MAPK10: variants seen among roughly 807,000 people sequenced by gnomAD.
MAPK10 encodes mitogen-activated protein kinase 10, also known as JNK3 alpha protein kinase.
MAPK10 carries 25 observed loss-of-function variants against 59.3 expected under a neutral mutation model. The ratio of observed to expected loss-of-function variants is 0.42; its 90% CI spans 0.31 to 0.59. The LOEUF is 0.59. Among genes scored for constraint, MAPK10 ranks in the 20% least tolerant of loss-of-function variants. The pLI, the probability that MAPK10 is intolerant of heterozygous loss-of-function variation, is 0.15. For synonymous variants in MAPK10, 190 were observed against 200.5 expected, an observed-to-expected ratio of 0.95 and a Z score of 0.44; for missense variants, 351 against 568.9, an observed-to-expected ratio of 0.62 and a Z score of 3.90.
chr4:86,544,804 C>G (rs1759011614), intron 1 of MAPK10, among the ~76,000 whole-genome samples: 1 of 151,866 alleles, frequency 6.6e-6, no homozygotes, highest in Non-Finnish European at 1.5e-5. Flanking sequence ...GAACAAAAGG[C>G]TTTTGCTGAC....
intron 1 of MAPK10, among the ~76,000 whole-genome samples, chr4:86,516,844 C>T (rs1357491342): frequency 6.6e-6 from 1 of 152,186 alleles, no homozygotes; most frequent in Non-Finnish European, 1.5e-5. Context: ...GCTATGCAAT[C>T]ATATCACTGG....
chr4:86,573,245 T>A (rs1028753478), intron 1 of MAPK10, among the ~76,000 whole-genome samples: 24 of 152,320 alleles, frequency 1.6e-4, no homozygotes, highest in African/African-American at 5.5e-4. Context: ...GCAATTTATA[T>A]CGCTTTAGGT....
intron 1 of MAPK10, among the ~76,000 whole-genome samples, chr4:86,397,890 A>C (rs986793276): frequency 1.4e-5 from 2 of 147,640 alleles, no homozygotes; most frequent in Admixed American, 6.8e-5. Flanking sequence ...AAAAAAAAAA[A>C]CTGGCTTTTT....
chr4:86,486,128 A>G (rs1753972674), intron 1 of MAPK10, among the ~76,000 whole-genome samples: 1 of 152,228 alleles, frequency 6.6e-6, no homozygotes, highest in Non-Finnish European at 1.5e-5. Flanking sequence ...ATTTTATTAA[A>G]TAATCACATG....
At chr4:86,437,744 A>G (rs1373980691) in intron 1 of MAPK10, among the ~76,000 whole-genome samples, 1 of 152,230 alleles carries the variant, frequency 6.6e-6, no homozygotes, top group African/African-American at 2.4e-5. Flanking sequence ...CTAGTGATAT[A>G]CCAAATAGGA....
chr4:86,384,785 ACT>A (rs1186452173), intron 1 of MAPK10, among the ~76,000 whole-genome samples: 5 of 152,202 alleles, frequency 3.3e-5, no homozygotes, highest in Non-Finnish European at 7.3e-5. Context: ...AATTATGACA[ACT>A]CTGTTTGCAA....
chr4:86,373,788 C>T lies in MAPK10; in HGVS notation c.-121-19144G>A, dbSNP rs184597435. ...TGGAGATGATGTGGAGAAATAGGAA[C>T]GCTTTTCCACTGTTGATGGGAGTGT... On this transcript the variant is annotated intron_variant, in intron 1 of 13. Transcript: ENST00000361569. 2.8e-3 allele frequency among the ~76,000 whole-genome samples: 420 copies of T among 152,264 alleles called. 3 individuals are homozygous for T. Among genetic ancestry groups the T allele is most frequent in the African/African-American group, 9.7e-3 (401 of 41,552 alleles).
intron 9 of MAPK10, among the ~76,000 whole-genome samples, chr4:86,096,631 G>T (rs886601587): frequency 3.9e-5 from 6 of 151,900 alleles, no homozygotes; most frequent in Non-Finnish European, 5.9e-5. Context: ...TCTGAGTATT[G>T]ATTGAGAGGT....
At position 86,591,628 on chromosome 4, in the gene MAPK10, C is replaced by T. The variant is rs115949302; in HGVS notation, c.-263+2282G>A. Among the ~76,000 whole-genome samples, 1,418 of 152,264 alleles carry T rather than the reference C, an allele frequency of 9.3e-3. 34 individuals are homozygous for T. Among genetic ancestry groups the T allele is most frequent in the African/African-American group, 0.033 (1,363 of 41,550 alleles). On this transcript the variant is annotated intron_variant, in intron 1 of 4. Coordinates refer to the MAPK10 transcript ENST00000502302. ...GACTCAAGTGATCTGTCCACTTCAGCCTCCCAGAGTGTTGGCATTACAGGC... is the reference window on the plus strand; with the variant it reads ...GACTCAAGTGATCTGTCCACTTCAGTCTCCCAGAGTGTTGGCATTACAGGC...
chr4:86,193,061 G>C (rs755008894), intron 3 of MAPK10: 3 of 152,296 alleles, frequency 2.0e-5, no homozygotes, highest in Non-Finnish European at 4.4e-5. Context: ...TTTGCTGGGG[G>C]TCCACTCCAG....
chr4:86,458,320 G>A (rs183438440), intron 1 of MAPK10, among the ~76,000 whole-genome samples: 2,146 of 150,246 alleles, frequency 0.014, 47 homozygotes, highest in African/African-American at 0.051. Flanking sequence ...AAAACTAGCC[G>A]GGCGTGGTGG....
intron 2 of MAPK10, among the ~76,000 whole-genome samples, chr4:86,322,446 T>C (rs182478076): frequency 1.1e-3 from 166 of 152,172 alleles, no homozygotes; most frequent in Non-Finnish European, 1.3e-3. Flanking sequence ...ATAAATTAAT[T>C]GGTGAGGAGG....
intron 11 of MAPK10, among the ~76,000 whole-genome samples, chr4:86,053,316 C>T (rs1309228858): frequency 1.3e-5 from 2 of 152,118 alleles, no homozygotes; most frequent in Non-Finnish European, 2.9e-5. Context: ...GGTAGGAGTG[C>T]CTTAGAGCTC....
At chr4:86,461,336 G>C (rs759979815) in intron 1 of MAPK10, among the ~76,000 whole-genome samples, 5 of 152,170 alleles carry the variant, frequency 3.3e-5, no homozygotes, top group Non-Finnish European at 5.9e-5. Flanking sequence ...GGAAGGCACA[G>C]GGTCTGGAGG....
chr4:86,586,343 G>C (rs1762649191), intron 1 of MAPK10, among the ~76,000 whole-genome samples: 1 of 151,966 alleles, frequency 6.6e-6, no homozygotes, highest in South Asian at 2.1e-4. Flanking sequence ...CCCTCCCTTG[G>C]TATCATCAGC....
chr4:86,064,521 G>GTT, intron 10 of MAPK10, 131 bp from the exon 11 acceptor site: 1 of 832,048 alleles, frequency 1.2e-6, no homozygotes, highest in Non-Finnish European at 1.9e-6. Context: ...ATCCCTTGAT[G>GTT]TGATGGAAAA....
chr4:86,057,376 T>C (rs2148972321), intron 11 of MAPK10, among the ~76,000 whole-genome samples: 1 of 150,474 alleles, frequency 6.6e-6, no homozygotes, highest in South Asian at 2.1e-4. Context: ...CACTGCAGTT[T>C]AGTTATAACT....
At chr4:86,439,948 G>C (rs1163788730) in intron 1 of MAPK10, among the ~76,000 whole-genome samples, 1 of 152,086 alleles carries the variant, frequency 6.6e-6, no homozygotes, top group Non-Finnish European at 1.5e-5. Context: ...TTAGGTGATT[G>C]TTTTTATATG....
chr4:86,159,551 T>C (rs2068859381), intron 3 of MAPK10, 84 bp from the exon 4 acceptor site: 2 of 1,132,738 alleles, frequency 1.8e-6, no homozygotes, highest in Non-Finnish European at 2.5e-6. Flanking sequence ...GTTCTTTTAA[T>C]GATTACTGAC....
Sources: allele counts gnomAD v4.1 joint callset (sites outside exome capture counted in the v4.1 genomes callset), GRCh38; gene constraint gnomAD v4.1.1; transcripts MANE v1.5; gene names NCBI Gene and HGNC (gene_info 2026-07-23, HGNC 2026-07-21).